Variants in POLA1 observed in about 807,000 individuals in gnomAD.
POLA1 encodes DNA polymerase alpha 1, catalytic subunit, also known as DNA polymerase alpha catalytic subunit.
In POLA1, 15 loss-of-function variants were observed where a neutral mutation model predicts 124.0. That is an observed-to-expected ratio of 0.12 (90% CI 0.08 to 0.19). The LOEUF (loss-of-function observed/expected upper bound fraction) is 0.19. Ranked by LOEUF, POLA1 falls within the 10% of genes least tolerant of loss-of-function variation. POLA1 has a pLI of 1.00. For synonymous variants in POLA1, 408 were observed against 389.4 expected, an observed-to-expected ratio of 1.05 and a Z score of -0.56; for missense variants, 886 against 1,103.4, an observed-to-expected ratio of 0.80 and a Z score of 2.79.
intron 11 of POLA1, 146 bp from the exon 12 acceptor site, chrX:24,724,189 T>C: frequency 2.6e-6 from 1 of 391,380 alleles, no homozygotes; most frequent in Non-Finnish European, 4.5e-6. Flanking sequence ...TCTGTTTGTA[T>C]CTTTGAACTT....
At chrX:24,716,059 C>A (rs189120069) in intron 6 of POLA1, among the ~76,000 whole-genome samples, 1 of 111,437 alleles carries the variant, frequency 9.0e-6, no homozygotes, top group African/African-American at 3.3e-5. Context: ...AACAACAACA[C>A]CATGTAGTTT....
Position 24,710,564 on chromosome X carries a change from G to A in POLA1, c.347-3990G>A, listed in dbSNP as rs762379616. Among the ~76,000 whole-genome samples, 3 of 110,791 alleles carry A rather than the reference G, an allele frequency of 2.7e-5. No homozygotes were observed. The South Asian group carries it at 1.1e-3, about 42-fold the overall frequency. Reference sequence around the variant, plus strand: ...TGTTTCTACCTTTTGGCTATTGTATGTAGTGCTACTATGAACATTTGTGTA... The same window carrying A: ...TGTTTCTACCTTTTGGCTATTGTATATAGTGCTACTATGAACATTTGTGTA... On this transcript the variant is annotated intron_variant, in intron 4 of 36. Transcript: ENST00000379068.
chrX:24,966,324 A>G (rs2874085), intron 36 of POLA1, among the ~76,000 whole-genome samples: 4,782 of 111,310 alleles, frequency 0.043, 271 homozygotes, highest in African/African-American at 0.15. Context: ...CCTGAGGTAC[A>G]TTCTCATTTT....
chrX:24,962,345 A>G (rs2048177590), intron 36 of POLA1, among the ~76,000 whole-genome samples: 1 of 112,161 alleles, frequency 8.9e-6, no homozygotes, highest in South Asian at 3.6e-4. Context: ...TAATTACAAT[A>G]TAGCACAATA....
intron 26 of POLA1, among the ~76,000 whole-genome samples, chrX:24,804,441 T>TA (rs769055541): frequency 8.9e-6 from 1 of 111,940 alleles, no homozygotes; most frequent in East Asian, 2.8e-4. Context: ...CTACCCCTGT[T>TA]ATGCTAATGT....
intron 1 of POLA1, among the ~76,000 whole-genome samples, chrX:24,698,442 C>T (rs1404281140): frequency 9.0e-6 from 1 of 111,111 alleles, no homozygotes; most frequent in Non-Finnish European, 1.9e-5. Flanking sequence ...ACCAATAATC[C>T]CCTCAGAGCC....
At chrX:24,903,734 A>G (rs1336113367) in intron 35 of POLA1, among the ~76,000 whole-genome samples, 1 of 110,772 alleles carries the variant, frequency 9.0e-6, no homozygotes, top group African/African-American at 3.3e-5. Flanking sequence ...CCAGAAGATG[A>G]AAACCCTAGC....
chrX:24,739,594 C>A, intron 20 of POLA1, 44 bp downstream of exon 20: 1 of 877,838 alleles, frequency 1.1e-6, no homozygotes, highest in Non-Finnish European at 1.6e-6. Flanking sequence ...TTGAAATTAA[C>A]AACAGCAGGA....
At chrX:24,786,103 C>T (rs1273402781) in intron 26 of POLA1, among the ~76,000 whole-genome samples, 2 of 112,309 alleles carry the variant, frequency 1.8e-5, no homozygotes, top group Non-Finnish European at 3.8e-5. Flanking sequence ...TTTGTTCAAC[C>T]GTTTATCCCT....
chrX:24,960,850 C>A (rs1315583991), intron 36 of POLA1, among the ~76,000 whole-genome samples: 1 of 111,985 alleles, frequency 8.9e-6, no homozygotes, highest in Non-Finnish European at 1.9e-5. Context: ...CAATTTGATA[C>A]GTATGTAATG....
chrX:24,786,305 T>G (rs1179529251), intron 26 of POLA1, among the ~76,000 whole-genome samples: 2 of 111,882 alleles, frequency 1.8e-5, no homozygotes, highest in African/African-American at 6.5e-5. Flanking sequence ...ACAAGGGTTC[T>G]TTTTCTTCAC....
intron 24 of POLA1, among the ~76,000 whole-genome samples, chrX:24,747,497 C>A (rs1932075784): frequency 9.0e-6 from 1 of 110,828 alleles, no homozygotes; most frequent in South Asian, 3.8e-4. Context: ...GATTTATTAG[C>A]TTTTAATTAT....
rs11573501 is a variant in POLA1, at chrX:24,960,828, T to A, written c.4261+30279T>A. 6.2e-3 allele frequency among the ~76,000 whole-genome samples: 699 copies of A among 112,027 alleles called. 1 individual carries two copies. Among genetic ancestry groups the A allele is most frequent in the African/African-American group, 0.021 (644 of 30,846 alleles). On this transcript the variant is annotated intron_variant, in intron 36 of 36. Transcript: ENST00000379068. ...CAGTGAGGACATTCACTAGGTTGTATCCTAACCAGCACAATTTGATACGTA... is the reference window on the plus strand; with the variant it reads ...CAGTGAGGACATTCACTAGGTTGTAACCTAACCAGCACAATTTGATACGTA...
intron 26 of POLA1, among the ~76,000 whole-genome samples, chrX:24,785,451 G>A (rs763063105): frequency 9.0e-6 from 1 of 111,558 alleles, no homozygotes; most frequent in African/African-American, 3.3e-5. Context: ...GGTATATCTG[G>A]ATACATACTA....
rs1299895027 is a variant in POLA1 at position 24,949,603 on chromosome X, GT to G, written c.4261+19055del. The stretch of plus-strand genomic sequence containing the variant: ...GCCATGAAACTTGGGGGTTTAAACA[GT>G]AAAAAAAAAAAAAAAAAATCCAGCA... On this transcript the variant is annotated intron_variant, in intron 36 of 36. Coordinates refer to ENST00000379068, the MANE Select transcript of POLA1 (RefSeq NM_001330360.2). Among the ~76,000 whole-genome samples, 288 of 76,075 alleles carry G rather than the reference GT, an allele frequency of 3.8e-3. 1 individual carries two copies. Among genetic ancestry groups the G allele is most frequent in the African/African-American group, 0.014 (276 of 19,408 alleles). 66.1% of individuals were successfully genotyped at this position (76,075 alleles called of 115,157 possible). A position where few individuals can be genotyped will look rare whatever the true frequency, so the allele number is the denominator to read the frequency against.
At chrX:24,875,277 A>G (rs1438129388) in intron 34 of POLA1, among the ~76,000 whole-genome samples, 1 of 111,601 alleles carries the variant, frequency 9.0e-6, no homozygotes, top group Non-Finnish European at 1.9e-5. Flanking sequence ...CTTGAGTTCA[A>G]GTGTGATGGG....
chrX:24,953,251 C>T (rs1405599681), intron 36 of POLA1, among the ~76,000 whole-genome samples: 4 of 112,162 alleles, frequency 3.6e-5, no homozygotes, highest in African/African-American at 9.7e-5. Context: ...ATCTGTGTTA[C>T]TTTAGTGCCT....
chrX:24,813,196 A>G (rs1160933301), intron 29 of POLA1, among the ~76,000 whole-genome samples: 1 of 110,895 alleles, frequency 9.0e-6, no homozygotes, highest in Non-Finnish European at 1.9e-5. Flanking sequence ...TATTGTTGCT[A>G]TTAGAAAGTG....
At chrX:24,974,983 G>A (rs745953811) in intron 36 of POLA1, among the ~76,000 whole-genome samples, 9 of 112,001 alleles carry the variant, frequency 8.0e-5, no homozygotes, top group East Asian at 5.6e-4. Context: ...TTCTAGACAC[G>A]AGGAAAATGG....
Sources: allele counts gnomAD v4.1 joint callset (sites outside exome capture counted in the v4.1 genomes callset), GRCh38; gene constraint gnomAD v4.1.1; transcripts MANE v1.5; gene names NCBI Gene and HGNC (gene_info 2026-07-23, HGNC 2026-07-21).